The following PCDH17 variants were observed in gnomAD, a reference collection of about 807,000 sequenced individuals.
The protein encoded by PCDH17 is protocadherin-17.
Under a neutral mutation model 67.7 loss-of-function variants are expected in PCDH17, and 21 were observed. The observed-to-expected ratio is 0.31, with a 90% CI of 0.22 to 0.45. The LOEUF is 0.45. Among genes scored for constraint, PCDH17 ranks in the 20% least tolerant of loss-of-function variants. PCDH17 has a pLI of 1.00. For missense variants in PCDH17, 1,471 were observed against 1,564.8 expected (o/e 0.94, Z 1.01); for synonymous variants, 701 against 656.7 (o/e 1.07, Z -1.03).
intron 1 of PCDH17, among the ~76,000 whole-genome samples, chr13:57,659,167 A>G (rs78710250): frequency 0.03 from 4,498 of 151,348 alleles, 217 homozygotes; most frequent in African/African-American, 0.097. Flanking sequence ...TTATCAGAGT[A>G]TGTGTAAATT....
intron 3 of PCDH17, among the ~76,000 whole-genome samples, chr13:57,714,858 A>C (rs1955804945): frequency 6.6e-6 from 1 of 151,832 alleles, no homozygotes; most frequent in Non-Finnish European, 1.5e-5. Flanking sequence ...CAGTAGAAGA[A>C]AAAAACAAAA....
intron 3 of PCDH17, among the ~76,000 whole-genome samples, chr13:57,700,841 T>A (rs1188212007): frequency 6.6e-6 from 1 of 152,034 alleles, no homozygotes; most frequent in Non-Finnish European, 1.5e-5. Context: ...ATAGGGTTAT[T>A]TTCGCAGTGT....
chr13:57,634,374 G>A lies in PCDH17; in HGVS notation c.1828G>A (p.Val610Met). 6.2e-7 allele frequency: 1 copy of A among 1,612,538 alleles called. No individual in the cohort carries two copies. The highest frequency in any genetic ancestry group is 1.1e-5 in the South Asian group (1 of 91,084). The change falls in exon 1 of 4, where the codon GTG (valine) becomes ATG (methionine). Residue 610 changes from valine (V) to methionine (M), a missense_variant. Around this residue, in one of 3 missense-constraint regions of PCDH17, gnomAD observed 1,163 missense variants for 1,230.0 expected, o/e 0.95. Transcript: ENST00000377918. The surrounding 1 kb of genome is among the most constrained non-coding windows in gnomAD (Gnocchi z 7.8). Reference protein sequence around the residue: ...NAGLGYLVSTVRALDSDFGES... With the variant: ...NAGLGYLVSTMRALDSDFGES... Reference sequence around the variant, plus strand: ...TGGCCTGGGCTATCTGGTGAGCACTGTGCGCGCCCTAGACAGCGACTTCGG... The same window carrying A: ...TGGCCTGGGCTATCTGGTGAGCACTATGCGCGCCCTAGACAGCGACTTCGG...
At chr13:57,723,457 C>G (rs1349236583) in intron 3 of PCDH17, among the ~76,000 whole-genome samples, 2 of 152,120 alleles carry the variant, frequency 1.3e-5, no homozygotes, top group African/African-American at 4.8e-5. Flanking sequence ...ATATATGTTT[C>G]ATGTGGACAT....
At chr13:57,661,155 A>C (rs1216965108) in intron 1 of PCDH17, among the ~76,000 whole-genome samples, 1 of 152,200 alleles carries the variant, frequency 6.6e-6, no homozygotes, top group Non-Finnish European at 1.5e-5. Flanking sequence ...CCACATCCTC[A>C]TCAGCATTAG....
At chr13:57,640,617 G>A (rs1406819476) in intron 1 of PCDH17, among the ~76,000 whole-genome samples, 1 of 151,972 alleles carries the variant, frequency 6.6e-6, no homozygotes, top group Non-Finnish European at 1.5e-5. Flanking sequence ...AGAGCGGGGG[G>A]ACTTAACACG....
chr13:57,634,831 T>C lies in PCDH17; in HGVS notation c.2285T>C (p.Ile762Thr). 6.2e-7 allele frequency: 1 copy of C among 1,613,422 alleles called. No individual in the cohort carries two copies. Among genetic ancestry groups the C allele is most frequent in the Non-Finnish European group, 8.5e-7 (1 of 1,179,914 alleles). Residue 762 changes from isoleucine (I) to threonine (T), a missense_variant, in exon 1 of 4, where the codon ATC (isoleucine) becomes ACC (threonine). Ile to Thr is a moderately conservative substitution (Grantham distance 89). This residue lies in a region of PCDH17 where 1,163 missense variants were observed against 1,230.0 expected (regional missense o/e 0.95). Transcript: ENST00000377918. The surrounding 1 kb of genome is among the most constrained non-coding windows in gnomAD (Gnocchi z 7.8). ...GGGGGCAAGGGCAAGAAGAAGAAGA[T>C]CAACAAAAATGATATCATGCTGGTG... ...LGGGKGKKKK[I>T]NKNDIMLVQS...
At chr13:57,718,221 C>T (rs1040778966) in intron 3 of PCDH17, among the ~76,000 whole-genome samples, 1 of 151,638 alleles carries the variant, frequency 6.6e-6, no homozygotes, top group African/African-American at 2.4e-5. Context: ...TTCTTCCCTG[C>T]ATAAAGGATA....
chr13:57,687,833 T>C (rs114506162), intron 3 of PCDH17, among the ~76,000 whole-genome samples: 1,648 of 152,194 alleles, frequency 0.011, 35 homozygotes, highest in African/African-American at 0.037. Flanking sequence ...CTGTCACTAC[T>C]GTCCAAGGCT....
At chr13:57,630,684 T>C (rs923276938), upstream of PCDH17, among the ~76,000 whole-genome samples, 1 of 152,208 alleles carries the variant, frequency 6.6e-6, no homozygotes, top group Admixed American at 6.5e-5. Flanking sequence ...AGCTTCACCT[T>C]CTTCCCTCCA....
intron 1 of PCDH17, among the ~76,000 whole-genome samples, chr13:57,641,558 GAAAAAAAAAAAAAAAAAA>G (rs71209470): frequency 1.3e-3 from 33 of 24,504 alleles, no homozygotes; most frequent in African/African-American, 1.6e-3. Flanking sequence ...GTGTTTGAGA[GAAAAAAAAAAAAAAAAAA>G]AAAAAAAAAA....
chr13:57,721,149 T>A (rs1009212535), intron 3 of PCDH17, among the ~76,000 whole-genome samples: 1 of 152,128 alleles, frequency 6.6e-6, no homozygotes, highest in Non-Finnish European at 1.5e-5. Flanking sequence ...AACATGCTTA[T>A]CTGTGAGTAT....
At chr13:57,636,889 A>G (rs1366202967) in intron 1 of PCDH17, among the ~76,000 whole-genome samples, 1 of 152,140 alleles carries the variant, frequency 6.6e-6, no homozygotes, top group Non-Finnish European at 1.5e-5. Context: ...ATTTTCATTT[A>G]GTTTCCAGTA....
intron 3 of PCDH17, among the ~76,000 whole-genome samples, chr13:57,714,623 G>C (rs891886644): frequency 6.6e-6 from 1 of 151,742 alleles, no homozygotes; most frequent in Non-Finnish European, 1.5e-5. Flanking sequence ...TTTTAAATTT[G>C]TCCTTGTAAG....
chr13:57,671,671 G>C (rs1014110835), intron 3 of PCDH17, among the ~76,000 whole-genome samples: 15 of 152,018 alleles, frequency 9.9e-5, no homozygotes, highest in African/African-American at 3.4e-4. Context: ...CCTTATAAGT[G>C]CTTACCAGCA....
In PCDH17 at chr13:57,661,472, A is replaced by G. The variant is rs546378372; in HGVS notation, c.2566-4996A>G. Among the ~76,000 whole-genome samples, 14 of 152,276 alleles carry G rather than the reference A, an allele frequency of 9.2e-5. No individual in the cohort carries two copies. In the East Asian group the frequency reaches 2.7e-3, roughly 29 times the overall value. ...GCAAAATCAACATTTCTAATTTCAT[A>G]AACTCCAACTTTTTCTTCTGTGGAT... On this transcript the variant is annotated intron_variant, in intron 1 of 3. Coordinates refer to ENST00000377918, the MANE Select transcript of PCDH17 (RefSeq NM_001040429.3).
intron 3 of PCDH17, among the ~76,000 whole-genome samples, chr13:57,687,427 G>A (rs1048311702): frequency 1.3e-5 from 2 of 151,898 alleles, no homozygotes; most frequent in Non-Finnish European, 2.9e-5. Context: ...GATGTGTTCA[G>A]ATTAGAAGTA....
At chr13:57,701,837 A>G (rs1448359212) in intron 3 of PCDH17, among the ~76,000 whole-genome samples, 2 of 152,134 alleles carry the variant, frequency 1.3e-5, no homozygotes, top group African/African-American at 4.8e-5. Context: ...TTGTTTTATT[A>G]CATATTTAAA....
chr13:57,668,639 T>G (rs1955284043), intron 3 of PCDH17, among the ~76,000 whole-genome samples: 1 of 152,036 alleles, frequency 6.6e-6, no homozygotes, highest in Admixed American at 6.6e-5. Context: ...CTAGGGAAGG[T>G]GGCTATTATT....
Sources: allele counts gnomAD v4.1 joint callset (sites outside exome capture counted in the v4.1 genomes callset), GRCh38; gene constraint gnomAD v4.1.1; regional missense constraint gnomAD v4.1.1; non-coding constraint Gnocchi (gnomAD v3.1); transcripts MANE v1.5; gene names NCBI Gene and HGNC (gene_info 2026-07-23, HGNC 2026-07-21).